Variants in CC2D2A observed in about 807,000 individuals in gnomAD.
The protein encoded by CC2D2A is coiled-coil and C2 domain containing 2A, also known as coiled-coil and C2 domain-containing protein 2A.
A neutral mutation model predicts 212.9 loss-of-function variants in CC2D2A; 155 were observed. The observed-to-expected ratio is 0.73, with a 90% CI of 0.64 to 0.83. The LOEUF (loss-of-function observed/expected upper bound fraction) is 0.83. Among genes scored for constraint, CC2D2A ranks in the 40% least tolerant of loss-of-function variants. The probability of loss-of-function intolerance (pLI) is 0.00; values close to 1 mark genes in which losing one functional copy is unlikely to be tolerated. For synonymous variants in CC2D2A, 667 were observed against 686.5 expected (o/e 0.97, Z 0.44); for missense variants, 1,856 against 1,956.2 (o/e 0.95, Z 0.97).
intron 30 of CC2D2A, 58 bp from the exon 31 acceptor site, chr4:15,586,099 G>A (rs1448371160): frequency 1.7e-5 from 19 of 1,146,754 alleles, no homozygotes; most frequent in Non-Finnish European, 2.5e-5. Context: ...TGAGGTAGGG[G>A]ATGCAGCATT....
At chr4:15,567,638 C>T in intron 25 of CC2D2A, 39 bp from the exon 26 acceptor site, 1 of 1,459,448 alleles carries the variant, frequency 6.9e-7, no homozygotes, top group Non-Finnish European at 9.3e-7. Context: ...AATAATTTGA[C>T]TAACCATTGG....
intron 6 of CC2D2A, among the ~76,000 whole-genome samples, chr4:15,504,206 G>A (rs765923188): frequency 1.3e-5 from 2 of 152,160 alleles, no homozygotes; most frequent in African/African-American, 4.8e-5. Context: ...TAATTATAAG[G>A]AATGTGGCAG....
At chr4:15,537,872 G>C (rs376811721) in intron 15 of CC2D2A, 27 bp from the exon 16 acceptor site, 13 of 1,563,186 alleles carry the variant, frequency 8.3e-6, no homozygotes, top group Non-Finnish European at 1.1e-5. Context: ...ATTCCTGTTT[G>C]ATATCATGTT....
intron 4 of CC2D2A, among the ~76,000 whole-genome samples, chr4:15,485,343 T>A (rs1714935997): frequency 6.6e-6 from 1 of 152,250 alleles, no homozygotes; most frequent in Non-Finnish European, 1.5e-5. Context: ...TATTCCATTG[T>A]GTATATGCAG....
chr4:15,501,360 C>G (rs2108997058), intron 4 of CC2D2A, among the ~76,000 whole-genome samples: 1 of 152,246 alleles, frequency 6.6e-6, no homozygotes, highest in Non-Finnish European at 1.5e-5. Context: ...TGACTGGGGT[C>G]CCTGGCACCT....
At chr4:15,473,645 C>T (rs1713982744) in intron 1 of CC2D2A, among the ~76,000 whole-genome samples, 1 of 152,146 alleles carries the variant, frequency 6.6e-6, no homozygotes. Context: ...GGCTTCAATG[C>T]AGAGAATATG....
intron 11 of CC2D2A, among the ~76,000 whole-genome samples, chr4:15,518,325 C>T (rs910294644): frequency 8.5e-5 from 13 of 152,226 alleles, no homozygotes; most frequent in African/African-American, 2.6e-4. Context: ...TCTCGCATTC[C>T]GGTCATGCTG....
chr4:15,555,253 T>C, intron 20 of CC2D2A, 43 bp downstream of exon 20: 1 of 1,597,288 alleles, frequency 6.3e-7, no homozygotes, highest in Non-Finnish European at 8.5e-7. Context: ...GACTTGGCCT[T>C]TTACACAATT....
At chr4:15,585,949 C>A (rs1363125570) in intron 30 of CC2D2A, among the ~76,000 whole-genome samples, 3 of 152,162 alleles carry the variant, frequency 2.0e-5, no homozygotes, top group Non-Finnish European at 4.4e-5. Context: ...GACACAGTTT[C>A]TTCATCTGTA....
intron 17 of CC2D2A, among the ~76,000 whole-genome samples, chr4:15,550,006 G>T (rs1257201428): frequency 6.6e-6 from 1 of 152,178 alleles, no homozygotes; most frequent in Non-Finnish European, 1.5e-5. Context: ...CAGTCACAGA[G>T]ACCTCATGTA....
At chr4:15,473,557 G>T (rs1276375842) in intron 1 of CC2D2A, among the ~76,000 whole-genome samples, 1 of 152,184 alleles carries the variant, frequency 6.6e-6, no homozygotes, top group Non-Finnish European at 1.5e-5. Context: ...GTTTTACTCT[G>T]TTGACAAAGG....
chr4:15,499,277 C>T (rs376235865), intron 4 of CC2D2A, among the ~76,000 whole-genome samples: 17 of 152,176 alleles, frequency 1.1e-4, no homozygotes, highest in African/African-American at 3.6e-4. Context: ...GTGATTGATG[C>T]GTCAATGAAG....
At chr4:15,568,687 A>C (rs1421058177) in intron 26 of CC2D2A, among the ~76,000 whole-genome samples, 6 of 152,194 alleles carry the variant, frequency 3.9e-5, no homozygotes, top group Non-Finnish European at 5.9e-5. Flanking sequence ...CATAAAGTCA[A>C]ATGTTCAACA....
intron 33 of CC2D2A, among the ~76,000 whole-genome samples, chr4:15,594,620 T>C (rs1258831134): frequency 2.0e-5 from 3 of 152,198 alleles, no homozygotes; most frequent in Non-Finnish European, 4.4e-5. Context: ...CACTGACTTC[T>C]GTCCCAGTCT....
intron 11 of CC2D2A, among the ~76,000 whole-genome samples, chr4:15,521,947 C>G (rs1412859042): frequency 1.3e-5 from 2 of 152,104 alleles, no homozygotes; most frequent in Non-Finnish European, 2.9e-5. Context: ...ACCTGTAATC[C>G]CAAAGCTTTG....
intron 17 of CC2D2A, among the ~76,000 whole-genome samples, chr4:15,544,623 C>T (rs1238105293): frequency 6.6e-6 from 1 of 152,188 alleles, no homozygotes. Context: ...GACTACTACC[C>T]AGGCAGCCTG....
At chr4:15,570,348 A>C in intron 27 of CC2D2A, 50 bp from the exon 28 acceptor site, 1 of 1,149,406 alleles carries the variant, frequency 8.7e-7, no homozygotes, top group Non-Finnish European at 1.3e-6. Flanking sequence ...GATTAATTAA[A>C]TGAGTTTCTG....
intron 13 of CC2D2A, among the ~76,000 whole-genome samples, chr4:15,530,097 G>A (rs897035773): frequency 1.3e-5 from 2 of 151,166 alleles, no homozygotes; most frequent in East Asian, 1.9e-4. Context: ...TCAGCCTCCC[G>A]AGTAGCTGGG....
intron 28 of CC2D2A, among the ~76,000 whole-genome samples, chr4:15,572,747 G>A (rs1470231905): frequency 1.3e-5 from 2 of 152,064 alleles, no homozygotes; most frequent in African/African-American, 2.4e-5. Flanking sequence ...ACAAGGTGAA[G>A]TCCCACAACA....
Sources: allele counts gnomAD v4.1 joint callset (sites outside exome capture counted in the v4.1 genomes callset), GRCh38; gene constraint gnomAD v4.1.1; transcripts MANE v1.5; gene names NCBI Gene and HGNC (gene_info 2026-07-23, HGNC 2026-07-21).